Variants in TECPR1 observed in about 807,000 individuals in gnomAD.
TECPR1 encodes the protein tectonin beta-propeller repeat containing 1.
Under a neutral mutation model 162.4 loss-of-function variants are expected in TECPR1, and 122 were observed. The ratio of observed to expected loss-of-function variants is 0.75; its 90% CI spans 0.65 to 0.87. The LOEUF is 0.87. Ranked by LOEUF, TECPR1 falls within the 40% of genes least tolerant of loss-of-function variation. The pLI, the probability that TECPR1 is intolerant of heterozygous loss-of-function variation, is 0.00. For synonymous variants in TECPR1, 642 were observed against 670.6 expected, an observed-to-expected ratio of 0.96 and a Z score of 0.66; for missense variants, 1,432 against 1,618.2, an observed-to-expected ratio of 0.88 and a Z score of 1.97.
chr7:98,232,916 C>A lies in TECPR1; in HGVS notation c.1729G>T (p.Ala577Ser), dbSNP rs368852607. Residue 577 changes from alanine (A) to serine (S), a missense_variant, in exon 12 of 26, where the codon GCC (alanine) becomes TCC (serine). Coordinates refer to ENST00000447648, the MANE Select transcript of TECPR1 (RefSeq NM_015395.3). This position sits in a 1 kb window ranked among gnomAD's most constrained non-coding sequence, Gnocchi z 4.6. ...TGCTGGAAGATCTGCTTCCTCCAGGCAGCGGTCTGGGCCGGCGTGATGGAC... is the reference window on the plus strand; with the variant it reads ...TGCTGGAAGATCTGCTTCCTCCAGGAAGCGGTCTGGGCCGGCGTGATGGAC... ...SLSITPAQTA[A>S]WRKQIFQQLT... 3.7e-6 allele frequency: 6 copies of A among 1,612,858 alleles called. No homozygotes were observed. In the East Asian group the frequency reaches 1.3e-4, roughly 36 times the overall value.
chr7:98,215,024 C>G lies in TECPR1; in HGVS notation c.*2366G>C, dbSNP rs1037986025. The G allele has an allele frequency of 5.3e-5, 8 of 152,330 alleles. No individual in the cohort carries two copies. Among genetic ancestry groups the G allele is most frequent in the African/African-American group, 1.9e-4 (8 of 41,458 alleles). 9.4% of individuals were successfully genotyped at this position (152,330 alleles called of 1,614,324 possible). On this transcript the variant is annotated 3_prime_UTR_variant, in exon 26 of 26. Transcript: ENST00000447648. ...GGCCAGGTCCACTCCCTTGGCCCTC[C>G]TCTTGGACCCCAAGGCCAGGCCGGA...
intron 22 of TECPR1, 102 bp downstream of exon 22, chr7:98,222,284 A>C (rs901214171): frequency 1.2e-5 from 17 of 1,448,666 alleles, no homozygotes; most frequent in East Asian, 2.5e-5. Flanking sequence ...TTCTGGGGGA[A>C]GTCCCAGCTT....
rs1035954807 is a variant in TECPR1 at position 98,232,453 on chromosome 7, C to T, written c.1818+374G>A. On this transcript the variant is annotated intron_variant, in intron 12 of 25. Transcript: ENST00000447648. This position sits in a 1 kb window ranked among gnomAD's most constrained non-coding sequence, Gnocchi z 4.6. ...AGGGTCAGCCCAGGGGTGGGGTCTC[C>T]GGCCGCCCTCTGTGCTAACTCCTTG... Among the ~76,000 whole-genome samples, 7 of 151,980 alleles carry T rather than the reference C, an allele frequency of 4.6e-5. No homozygotes were observed. The highest frequency in any genetic ancestry group is 2.0e-4 in the Admixed American group (3 of 15,270).
intron 16 of TECPR1, 105 bp downstream of exon 16, chr7:98,228,934 T>A (rs1450725363): frequency 7.0e-7 from 1 of 1,437,946 alleles, no homozygotes; most frequent in East Asian, 2.5e-5. Context: ...GTTAGCCGAG[T>A]GTGAACACTG....
intron 8 of TECPR1, among the ~76,000 whole-genome samples, chr7:98,239,095 C>A (rs1306466562): frequency 6.6e-6 from 1 of 152,170 alleles, no homozygotes; most frequent in African/African-American, 2.4e-5. Context: ...ACACACACTC[C>A]CACTAGATTT....
chr7:98,228,353 G>A (rs934113527), intron 16 of TECPR1, among the ~76,000 whole-genome samples: 10 of 152,140 alleles, frequency 6.6e-5, no homozygotes, highest in Non-Finnish European at 1.5e-5. Flanking sequence ...ACAGCCTGCT[G>A]TGCATTAAAT....
At chr7:98,242,573 C>T (rs1184171132) in intron 6 of TECPR1, among the ~76,000 whole-genome samples, 2 of 127,698 alleles carry the variant, frequency 1.6e-5, no homozygotes, top group Admixed American at 1.6e-4. Context: ...CACCCACCCA[C>T]CCATCCATCC....
At chr7:98,230,825 C>G in intron 15 of TECPR1, 136 bp downstream of exon 15, 1 of 1,188,644 alleles carries the variant, frequency 8.4e-7, no homozygotes, top group Non-Finnish European at 1.1e-6. Context: ...GGCCTGGGAA[C>G]CAGTGGCCGT....
Position 98,246,225 on chromosome 7 carries a change from T to C in TECPR1, c.-19-60A>G, listed in dbSNP as rs991962411. The C allele has an allele frequency of 5.5e-6, 6 of 1,092,924 alleles. No individual in the cohort carries two copies. The Admixed American group carries it at 1.6e-4, about 28-fold the overall frequency. The allele number at this position is 1,092,924 out of a possible 1,614,324, so 67.7% of individuals were successfully genotyped here. ...CCCAGCCCAGGGGACATCAGAGTCA[T>C]GTGAAACCTGGGAGACTTCTACTGT... On this transcript the variant is annotated intron_variant, in intron 2 of 25. Transcript: ENST00000447648.
chr7:98,234,384 C>A (rs1000673098), intron 10 of TECPR1, among the ~76,000 whole-genome samples: 16 of 152,278 alleles, frequency 1.1e-4, no homozygotes, highest in African/African-American at 3.6e-4. Context: ...GAACTCCTGA[C>A]CTCAAGTGAT....
At chr7:98,242,056 T>C (rs1689798511) in intron 6 of TECPR1, among the ~76,000 whole-genome samples, 1 of 152,180 alleles carries the variant, frequency 6.6e-6, no homozygotes, top group South Asian at 2.1e-4. Flanking sequence ...GGGGGCTCAG[T>C]CCTGGGGCAG....
At chr7:98,242,186 T>A (rs953260322) in intron 6 of TECPR1, among the ~76,000 whole-genome samples, 3 of 152,210 alleles carry the variant, frequency 2.0e-5, no homozygotes, top group Non-Finnish European at 4.4e-5. Context: ...ACTGGCAACT[T>A]CTGAATAACT....
intron 23 of TECPR1, among the ~76,000 whole-genome samples, chr7:98,219,207 T>A (rs1562931909): frequency 6.6e-6 from 1 of 152,046 alleles, no homozygotes; most frequent in Non-Finnish European, 1.5e-5. Flanking sequence ...TGAAACTGGA[T>A]CCGTATCTCT....
intron 2 of TECPR1, among the ~76,000 whole-genome samples, chr7:98,248,153 G>C (rs1798959352): frequency 6.6e-6 from 1 of 152,224 alleles, no homozygotes; most frequent in African/African-American, 2.4e-5. Flanking sequence ...CCTTCCTGGA[G>C]TCCTGGCTCC....
rs1247908370 is a variant in TECPR1 at position 98,241,124 on chromosome 7, G to A, written c.778C>T (p.Leu260Phe). 6.2e-7 allele frequency: 1 copy of A among 1,612,404 alleles called. No homozygotes were observed. The stretch of plus-strand genomic sequence containing the variant: ...CGGACCAGGGCCTGTCCCTCCCAGA[G>A]TGTGGCCCACAGGAGGTCGTGGGGC... ...CGPHDLLWAT[L>F]WEGQALVREG... Residue 260 changes from leucine (L) to phenylalanine (F), a missense_variant, in exon 7 of 26, where the codon CTC becomes TTC. Physicochemically the swap from Leu to Phe is conservative, Grantham distance 22. Coordinates refer to ENST00000447648, the MANE Select transcript of TECPR1 (RefSeq NM_015395.3). The surrounding 1 kb of genome is among the most constrained non-coding windows in gnomAD (Gnocchi z 5.0).
chr7:98,230,598 C>G (rs545218622), intron 15 of TECPR1, among the ~76,000 whole-genome samples: 1 of 152,174 alleles, frequency 6.6e-6, no homozygotes, highest in Non-Finnish European at 1.5e-5. Context: ...GAGCTGGAGG[C>G]GGCTGAGCAC....
chr7:98,220,234 C>T (rs1346606672), intron 23 of TECPR1, among the ~76,000 whole-genome samples: 1 of 151,390 alleles, frequency 6.6e-6, no homozygotes, highest in Non-Finnish European at 1.5e-5. Flanking sequence ...ATCCCAGCTA[C>T]TTGGGAGGCT....
chr7:98,246,099 GT>G lies in TECPR1; in HGVS notation c.47del (p.Tyr16SerfsTer74). 1 of 1,557,980 alleles carries G rather than the reference GT, an allele frequency of 6.4e-7. No homozygotes were observed. The highest frequency in any genetic ancestry group is 8.7e-7 in the Non-Finnish European group (1 of 1,151,800). ...LWAVDLFGRV[Y>X]TLSTAGQYWE... ...AGTACTGGCCTGCTGTGGACAGCGT[GT>G]ACACTCTCCCGAAGAGGTCCACCGC... On this transcript the variant is annotated frameshift_variant, in exon 3 of 26. Coordinates refer to ENST00000447648, the MANE Select transcript of TECPR1 (RefSeq NM_015395.3). LOFTEE classifies it high-confidence loss of function.
rs1303349554 is a variant in TECPR1 at position 98,231,978 on chromosome 7, T to C, written c.1819-19A>G. 4 of 1,588,638 alleles carry C rather than the reference T, an allele frequency of 2.5e-6. No homozygotes were observed. The highest frequency in any genetic ancestry group is 1.7e-4 in the Middle Eastern group (1 of 5,972). On this transcript the variant is annotated intron_variant, in intron 12 of 25. Coordinates refer to ENST00000447648, the MANE Select transcript of TECPR1 (RefSeq NM_015395.3). Reference sequence around the variant, plus strand: ...ACACCGACTGCGCAGGCCGGGGCAGTGGACACCATCACAGGCAGGCCCGGG... The same window carrying C: ...ACACCGACTGCGCAGGCCGGGGCAGCGGACACCATCACAGGCAGGCCCGGG...
Sources: gnomAD v4.1 joint callset for allele counts (sites outside exome capture counted in the v4.1 genomes callset) on GRCh38, gnomAD v4.1.1 for gene constraint, Gnocchi (gnomAD v3.1) non-coding constraint, MANE v1.5 for transcripts, NCBI Gene and HGNC (gene_info 2026-07-23, HGNC 2026-07-21) for gene names.